L2HGDH: variants seen among roughly 807,000 people sequenced by gnomAD.
L2HGDH encodes the protein L-2-hydroxyglutarate dehydrogenase, mitochondrial.
L2HGDH carries 34 observed loss-of-function variants against 51.5 expected under a neutral mutation model. The observed-to-expected ratio is 0.66, with a 90% CI of 0.50 to 0.88. L2HGDH has a LOEUF of 0.88. L2HGDH is among the 40% of genes least tolerant of loss of function. The pLI is 0.00. For synonymous variants in L2HGDH, 198 were observed against 197.9 expected (o/e 1.00, Z -0.01); for missense variants, 558 against 571.9 (o/e 0.98, Z 0.25).
At chr14:50,247,988 C>T (rs1323446323) in intron 9 of L2HGDH, among the ~76,000 whole-genome samples, 1 of 151,706 alleles carries the variant, frequency 6.6e-6, no homozygotes, top group African/African-American at 2.4e-5. Flanking sequence ...TTTGTAGAGA[C>T]AAGGTTTCCC....
At chr14:50,293,145 G>A (rs1262166372) in intron 4 of L2HGDH, 2 of 685,846 alleles carry the variant, frequency 2.9e-6, no homozygotes, top group Admixed American at 4.3e-5. Context: ...AAACATTATG[G>A]TAGTAGCACA....
At chr14:50,299,564 A>T (rs993552617) in intron 3 of L2HGDH, among the ~76,000 whole-genome samples, 1 of 152,234 alleles carries the variant, frequency 6.6e-6, no homozygotes, top group South Asian at 2.1e-4. Context: ...CACTATACAA[A>T]AATCCTTAAC....
At position 50,269,239 on chromosome 14, in the gene L2HGDH, C is replaced by T. The variant is rs147866347; in HGVS notation, c.830G>A (p.Arg277Gln). 1.3e-4 allele frequency: 209 copies of T among 1,613,920 alleles called. 1 individual carries two copies. In the East Asian group the frequency reaches 3.9e-3, roughly 30 times the overall value. ...GTAATCTCCCCGGAATGGTACAATT[C>T]GAGGATCAGGAGTGCAGCCACTCAA... is the stretch of plus-strand genomic sequence containing the variant. ...SELSGCTPDPRIVPFRGDYLL... is the reference protein window; with the variant it reads ...SELSGCTPDPQIVPFRGDYLL... Residue 277 changes from arginine to glutamine, a missense_variant, in exon 7 of 10, where the codon CGA (arginine) becomes CAA (glutamine). Arg to Gln is a conservative substitution (Grantham distance 43). Transcript: ENST00000267436.
chr14:50,298,279 G>A (rs1431310967), intron 3 of L2HGDH, among the ~76,000 whole-genome samples: 1 of 151,730 alleles, frequency 6.6e-6, no homozygotes, highest in Non-Finnish European at 1.5e-5. Flanking sequence ...GCATGGTGGT[G>A]CACCTGTGAT....
intron 4 of L2HGDH, chr14:50,293,265 T>C (rs2029871108): frequency 1.4e-6 from 1 of 702,208 alleles, no homozygotes; most frequent in Admixed American, 2.0e-5. Flanking sequence ...TGATAAGTGA[T>C]GCTGACACAA....
chr14:50,248,799 A>T (rs1208879653), intron 9 of L2HGDH, among the ~76,000 whole-genome samples: 1 of 152,218 alleles, frequency 6.6e-6, no homozygotes, highest in East Asian at 1.9e-4. Flanking sequence ...ACCAAATTTT[A>T]ACTATCTGCA....
rs35766836 is a variant in L2HGDH at position 50,277,207 on chromosome 14, G to GTT, written c.738+1311_738+1312dup. ...GGATAAAGTAGACTGTTTTTTTTTT[G>GTT]TTTTTTTTTTTGAGAGTTAGTTAGC... On this transcript the variant is annotated intron_variant, in intron 6 of 9. Coordinates refer to ENST00000267436, the MANE Select transcript of L2HGDH (RefSeq NM_024884.3). Among the ~76,000 whole-genome samples the GTT allele has an allele frequency of 8.3e-3, 1,194 of 143,974 alleles. 68 individuals are homozygous for GTT. In the East Asian group the frequency reaches 0.16, roughly 19 times the overall value. 94.5% of individuals were successfully genotyped at this position (143,974 alleles called of 152,430 possible).
chr14:50,260,784 CAATT>C (rs1344731977), intron 9 of L2HGDH, among the ~76,000 whole-genome samples: 1 of 152,228 alleles, frequency 6.6e-6, no homozygotes, highest in African/African-American at 2.4e-5. Flanking sequence ...TTGGTTGCCA[CAATT>C]AGGAGAATGA....
intron 6 of L2HGDH, among the ~76,000 whole-genome samples, chr14:50,276,062 T>G (rs1889963784): frequency 1.3e-5 from 2 of 152,246 alleles, no homozygotes. Context: ...GAAAATGAGT[T>G]GCTACCACAA....
At chr14:50,282,170 G>A (rs2139156208) in intron 5 of L2HGDH, among the ~76,000 whole-genome samples, 1 of 152,198 alleles carries the variant, frequency 6.6e-6, no homozygotes, top group Non-Finnish European at 1.5e-5. Context: ...ATCACTTGGG[G>A]GCGTGATGGT....
At position 50,298,976 on chromosome 14, in the gene L2HGDH, A is replaced by G. The variant is rs564616671; in HGVS notation, c.408+3041T>C. Among the ~76,000 whole-genome samples, 3 of 152,282 alleles carry G rather than the reference A, an allele frequency of 2.0e-5. No homozygotes were observed. The South Asian group carries it at 6.2e-4, about 32-fold the overall frequency. Reference sequence around the variant, plus strand: ...CAGAATTAGTAGAAGAAAATAAATAATAAAGATCAGAGCAGAAATAAATGA... The same window carrying G: ...CAGAATTAGTAGAAGAAAATAAATAGTAAAGATCAGAGCAGAAATAAATGA... On this transcript the variant is annotated intron_variant, in intron 3 of 9. Coordinates refer to ENST00000267436, the MANE Select transcript of L2HGDH (RefSeq NM_024884.3).
intron 3 of L2HGDH, among the ~76,000 whole-genome samples, chr14:50,300,288 A>T (rs2030330011): frequency 6.6e-6 from 1 of 152,110 alleles, no homozygotes; most frequent in South Asian, 2.1e-4. Context: ...TGATTTAGCC[A>T]TTCCACAATG....
At chr14:50,269,064 A>G in intron 7 of L2HGDH, 99 bp downstream of exon 7, 1 of 1,124,546 alleles carries the variant, frequency 8.9e-7, no homozygotes, top group Non-Finnish European at 1.3e-6. Context: ...GGTCCTTCAA[A>G]ATTTCTCTTA....
chr14:50,273,446 A>T (rs192781639), intron 6 of L2HGDH, among the ~76,000 whole-genome samples: 1 of 152,316 alleles, frequency 6.6e-6, no homozygotes, highest in African/African-American at 2.4e-5. Context: ...CATTCACAAA[A>T]ATTAACTTGA....
At chr14:50,251,064 C>T (rs779520869) in intron 9 of L2HGDH, among the ~76,000 whole-genome samples, 2 of 152,154 alleles carry the variant, frequency 1.3e-5, no homozygotes, top group Non-Finnish European at 2.9e-5. Context: ...CAGAGATATA[C>T]GACCTTTCTG....
At chr14:50,294,962 C>A (rs1243212154) in intron 3 of L2HGDH, among the ~76,000 whole-genome samples, 1 of 152,020 alleles carries the variant, frequency 6.6e-6, no homozygotes, top group African/African-American at 2.4e-5. Flanking sequence ...TGAGGTGACA[C>A]TTTTAATCAA....
intron 9 of L2HGDH, among the ~76,000 whole-genome samples, chr14:50,249,233 T>C (rs753379963): frequency 5.9e-5 from 9 of 152,138 alleles, no homozygotes; most frequent in Non-Finnish European, 1.0e-4. Context: ...AAATACAGTC[T>C]AGGGCACAAG....
chr14:50,291,664 T>A (rs1371794319), intron 4 of L2HGDH, among the ~76,000 whole-genome samples: 1 of 152,172 alleles, frequency 6.6e-6, no homozygotes. Context: ...AACTTTAACT[T>A]TACAACTAGA....
chr14:50,304,559 G>C (rs1183880930), intron 1 of L2HGDH, among the ~76,000 whole-genome samples: 3 of 152,238 alleles, frequency 2.0e-5, no homozygotes, highest in Non-Finnish European at 4.4e-5. Context: ...ATTAGGGCCG[G>C]GCGTGGTGGC....
Sources: allele counts gnomAD v4.1 joint callset (sites outside exome capture counted in the v4.1 genomes callset), GRCh38; gene constraint gnomAD v4.1.1; transcripts MANE v1.5; gene names NCBI Gene and HGNC (gene_info 2026-07-23, HGNC 2026-07-21).